TOX: variants seen among roughly 807,000 people sequenced by gnomAD.
TOX encodes the protein thymocyte selection associated high mobility group box.
Under a neutral mutation model 53.7 loss-of-function variants are expected in TOX, and 11 were observed. The observed-to-expected ratio is 0.20, with a 90% CI of 0.13 to 0.34. The LOEUF is 0.34. Ranked by LOEUF, TOX falls within the 10% of genes least tolerant of loss-of-function variation. TOX has a pLI of 1.00. For missense variants in TOX, 570 were observed against 664.6 expected (o/e 0.86, Z 1.56); for synonymous variants, 225 against 245.3 (o/e 0.92, Z 0.77).
intron 1 of TOX, among the ~76,000 whole-genome samples, chr8:58,970,473 A>G (rs530306013): frequency 2.6e-5 from 4 of 152,288 alleles, no homozygotes; most frequent in African/African-American, 9.6e-5. Context: ...AGGAGGTAAG[A>G]TTACTAATTA....
intron 1 of TOX, among the ~76,000 whole-genome samples, chr8:58,997,659 C>G (rs1813586080): frequency 6.6e-6 from 1 of 152,214 alleles, no homozygotes; most frequent in Non-Finnish European, 1.5e-5. Flanking sequence ...AATAAAGGTT[C>G]AGAGTCACAG....
At chr8:58,815,229 T>C (rs2129164563) in intron 7 of TOX, 109 bp downstream of exon 7, 3 of 1,393,316 alleles carry the variant, frequency 2.2e-6, no homozygotes, top group South Asian at 1.7e-5. Context: ...AATAGAAGGA[T>C]AGAAAACACA....
intron 3 of TOX, among the ~76,000 whole-genome samples, chr8:58,906,175 T>C (rs1443887856): frequency 1.3e-5 from 2 of 152,204 alleles, no homozygotes; most frequent in African/African-American, 2.4e-5. Context: ...CAAGTAAACA[T>C]GCTTTTTTCA....
intron 2 of TOX, among the ~76,000 whole-genome samples, chr8:58,957,561 C>T (rs1033873052): frequency 6.6e-6 from 1 of 152,222 alleles, no homozygotes; most frequent in Non-Finnish European, 1.5e-5. Flanking sequence ...ATTTCTGGAG[C>T]AGTTCCAGCA....
At chr8:59,073,569 T>TTTTTG (rs1273982158) in intron 1 of TOX, among the ~76,000 whole-genome samples, 1 of 152,104 alleles carries the variant, frequency 6.6e-6, no homozygotes, top group Admixed American at 6.5e-5. Context: ...TAATCTTGTT[T>TTTTTG]TTTTGTTTTG....
At chr8:59,047,541 G>C (rs992043415) in intron 1 of TOX, among the ~76,000 whole-genome samples, 2 of 151,598 alleles carry the variant, frequency 1.3e-5, no homozygotes, top group African/African-American at 4.8e-5. Context: ...TCTGCAAATA[G>C]AGCCCTTAGA....
At chr8:58,821,302 C>T (rs1167912812) in intron 6 of TOX, among the ~76,000 whole-genome samples, 1 of 152,050 alleles carries the variant, frequency 6.6e-6, no homozygotes, top group East Asian at 1.9e-4. Context: ...TTTCCCCCCT[C>T]CTTTCTATAC....
At chr8:58,971,565 G>C (rs188827421) in intron 1 of TOX, among the ~76,000 whole-genome samples, 756 of 152,332 alleles carry the variant, frequency 5.0e-3, no homozygotes, top group Non-Finnish European at 8.8e-3. Context: ...AAGTTTATTT[G>C]ACTGTTTCCA....
chr8:58,965,624 G>GA (rs1197119362), intron 1 of TOX, among the ~76,000 whole-genome samples: 2 of 152,056 alleles, frequency 1.3e-5, no homozygotes, highest in Non-Finnish European at 2.9e-5. Flanking sequence ...TGCTGAGGGG[G>GA]AAAAACAGCC....
chr8:58,911,073 C>T (rs989544224), intron 3 of TOX, among the ~76,000 whole-genome samples: 1 of 151,990 alleles, frequency 6.6e-6, no homozygotes, highest in Non-Finnish European at 1.5e-5. Flanking sequence ...GAGAAGCTTT[C>T]CTTCCTCTAG....
chr8:59,104,406 T>A (rs1022601647), intron 1 of TOX, among the ~76,000 whole-genome samples: 2 of 152,084 alleles, frequency 1.3e-5, no homozygotes, highest in Admixed American at 1.3e-4. Flanking sequence ...ATGTCGCCCC[T>A]CCATGCGTTG....
intron 3 of TOX, among the ~76,000 whole-genome samples, chr8:58,906,023 A>T (rs1811809156): frequency 6.6e-6 from 1 of 152,228 alleles, no homozygotes; most frequent in East Asian, 1.9e-4. Flanking sequence ...TTTTCTAGGA[A>T]TATAAAATAT....
intron 3 of TOX, among the ~76,000 whole-genome samples, chr8:58,904,674 A>G (rs1811784779): frequency 6.6e-6 from 1 of 152,190 alleles, no homozygotes; most frequent in Admixed American, 6.5e-5. Context: ...CATGGTAATG[A>G]CTGCATTGTC....
At chr8:58,900,772 T>C (rs1811724073) in intron 3 of TOX, among the ~76,000 whole-genome samples, 1 of 152,032 alleles carries the variant, frequency 6.6e-6, no homozygotes, top group African/African-American at 2.4e-5. Context: ...TTTCTCCAAA[T>C]GGGCAGCATA....
At chr8:58,888,753 A>G (rs1318145863) in intron 3 of TOX, among the ~76,000 whole-genome samples, 12 of 151,982 alleles carry the variant, frequency 7.9e-5, no homozygotes, top group Non-Finnish European at 5.9e-5. Flanking sequence ...GTACATTTGA[A>G]TTTTCTACAT....
intron 1 of TOX, among the ~76,000 whole-genome samples, chr8:59,112,371 A>T (rs1805031057): frequency 6.6e-6 from 1 of 152,180 alleles, no homozygotes; most frequent in South Asian, 2.1e-4. Flanking sequence ...GCAGTTTATA[A>T]CTCAACTGTT....
rs1252805088 is a variant in TOX, at chr8:58,811,212, GAC to G, written c.1393-2945_1393-2944del. Among the ~76,000 whole-genome samples, 3 of 152,258 alleles carry G rather than the reference GAC, an allele frequency of 2.0e-5. No individual in the cohort carries two copies. In the East Asian group the frequency reaches 5.8e-4, roughly 29 times the overall value. On this transcript the variant is annotated intron_variant, in intron 7 of 8. Transcript: ENST00000361421. ...TGGTGTAAATATGAAACAACATGAT[GAC>G]ACACACTTTTTGAAAAAATGTTTGC...
At chr8:59,028,713 AAGAACTTT>A (rs1381215349) in intron 1 of TOX, among the ~76,000 whole-genome samples, 4 of 152,272 alleles carry the variant, frequency 2.6e-5, no homozygotes, top group South Asian at 2.1e-4. Context: ...GACTTTTTGA[AAGAACTTT>A]TCTTTTTCCC....
In TOX at chr8:59,119,110, T is replaced by G; in HGVS notation, c.-123A>C. On this transcript the variant is annotated 5_prime_UTR_variant, in exon 1 of 9. Coordinates refer to ENST00000361421, the MANE Select transcript of TOX (RefSeq NM_014729.3). Reference sequence around the variant, plus strand: ...TCAGGAGTAAAAGAAACACCTTCCTTCCCTCACATCCGTTTGTGGTTTGTT... The same window carrying G: ...TCAGGAGTAAAAGAAACACCTTCCTGCCCTCACATCCGTTTGTGGTTTGTT... 1.8e-6 allele frequency: 1 copy of G among 553,346 alleles called. No homozygotes were observed. The allele number at this position is 553,346 out of a possible 1,614,324, so 34.3% of individuals were successfully genotyped here.
Sources: gnomAD v4.1 joint callset for allele counts (sites outside exome capture counted in the v4.1 genomes callset) on GRCh38, gnomAD v4.1.1 for gene constraint, MANE v1.5 for transcripts, NCBI Gene and HGNC (gene_info 2026-07-23, HGNC 2026-07-21) for gene names.